PRG4: variants seen among roughly 807,000 people sequenced by gnomAD.
PRG4 encodes the protein articular superficial zone protein.
Under a neutral mutation model 91.2 loss-of-function variants are expected in PRG4, and 61 were observed. The ratio of observed to expected loss-of-function variants is 0.67; its 90% confidence interval spans 0.54 to 0.83. PRG4 has a LOEUF of 0.83. Among genes scored for constraint, PRG4 ranks in the 40% least tolerant of loss-of-function variants. The pLI is 0.00. For missense variants in PRG4, 1,564 were observed against 1,714.2 expected, an observed-to-expected ratio of 0.91 and a Z score of 1.55; for synonymous variants, 576 against 614.2, an observed-to-expected ratio of 0.94 and a Z score of 0.92.
At chr1:186,312,417 T>C (rs766571324) in intron 11 of PRG4, 45 bp downstream of exon 11, 12 of 1,514,238 alleles carry the variant, frequency 7.9e-6, no homozygotes, top group Non-Finnish European at 9.9e-6. Context: ...CATAAGTAGA[T>C]GTAATACAGT....
chr1:186,304,425 A>T (rs900613332), intron 5 of PRG4, among the ~76,000 whole-genome samples, 168 bp downstream of exon 5: 3 of 152,232 alleles, frequency 2.0e-5, no homozygotes, highest in African/African-American at 7.2e-5. Flanking sequence ...AAGACAAAGT[A>T]TAAACTCTCA....
rs777044871 is a variant in PRG4 at position 186,306,589 on chromosome 1, T to C, written c.870T>C (p.Thr290=). 1 of 1,613,358 alleles carries C rather than the reference T, an allele frequency of 6.2e-7. No individual in the cohort carries two copies. The highest frequency in any genetic ancestry group is 2.2e-5 in the East Asian group (1 of 44,874). The part of the protein sequence containing the change: ...KETTVETKET[T]TTNKQTSTDG... Reference sequence around the variant, plus strand: ...CAACAGTTGAAACTAAAGAAACTACTACAACAAATAAACAGACTTCAACTG... The same window carrying C: ...CAACAGTTGAAACTAAAGAAACTACCACAACAAATAAACAGACTTCAACTG... Residue 290 remains threonine (T), a synonymous_variant, in exon 7 of 13, where the codon ACT becomes ACC. Coordinates refer to ENST00000445192, the MANE Select transcript of PRG4 (RefSeq NM_005807.6).
intron 2 of PRG4, among the ~76,000 whole-genome samples, chr1:186,299,709 A>G (rs1418993392): frequency 6.6e-6 from 1 of 152,210 alleles, no homozygotes; most frequent in African/African-American, 2.4e-5. Context: ...CATTTTCATA[A>G]GCATTAGTGA....
In PRG4 at chr1:186,312,391, TA is replaced by T; in HGVS notation, c.3991+26del. 3 of 1,591,550 alleles carry T rather than the reference TA, an allele frequency of 1.9e-6. No individual in the cohort carries two copies. The highest frequency in any genetic ancestry group is 1.7e-6 in the Non-Finnish European group (2 of 1,168,384). ...GACAAAGGTAACATTTTTATTGTGT[TA>T]AAAAAATCCTTAAACATAAGTAGAT... On this transcript the variant is annotated intron_variant, in intron 11 of 12. Coordinates refer to ENST00000445192, the MANE Select transcript of PRG4 (RefSeq NM_005807.6).
chr1:186,300,254 T>C, intron 3 of PRG4, 41 bp downstream of exon 3: 6 of 1,612,622 alleles, frequency 3.7e-6, no homozygotes, highest in Non-Finnish European at 5.1e-6. Flanking sequence ...CAAGCAACAC[T>C]GCGAGTCTGT....
rs562266173 is a variant in PRG4, at chr1:186,310,509, A to C, written c.3500-525A>C. Reference sequence around the variant, plus strand: ...AGCCAAAAGGCTTTTTTGAGACCGGATCTCCCTCTGTCACCCAGGCTGGAG... The same window carrying C: ...AGCCAAAAGGCTTTTTTGAGACCGGCTCTCCCTCTGTCACCCAGGCTGGAG... On this transcript the variant is annotated intron_variant, in intron 8 of 12. Transcript: ENST00000445192. Among the ~76,000 whole-genome samples the C allele has an allele frequency of 2.0e-5, 3 of 152,114 alleles. No homozygotes were observed. The East Asian group carries it at 5.8e-4, about 29-fold the overall frequency.
chr1:186,296,907 T>C lies in PRG4; in HGVS notation c.32T>C (p.Leu11Ser), dbSNP rs1403287471. The change falls in exon 2 of 13, where the codon TTG (leucine) becomes TCG (serine). Residue 11 changes from leucine (L) to serine (S), a missense_variant. Around this residue, in one of 3 missense-constraint regions of PRG4, gnomAD observed 437 missense variants for 459.0 expected, o/e 0.95. Coordinates refer to ENST00000445192, the MANE Select transcript of PRG4 (RefSeq NM_005807.6). ...TGGAAAACACTTCCCATTTACCTGT[T>C]GTTGCTGCTGTCTGTTTTCGTGATT... is the stretch of plus-strand genomic sequence containing the variant. MAWKTLPIYL[L>S]LLLSVFVIQQ... 3.7e-6 allele frequency: 6 copies of C among 1,614,050 alleles called. No individual in the cohort carries two copies. In the South Asian group the frequency reaches 6.6e-5, roughly 18 times the overall value.
intron 7 of PRG4, 49 bp from the exon 8 acceptor site, chr1:186,309,744 C>A: frequency 1.5e-6 from 2 of 1,338,618 alleles, no homozygotes; most frequent in Non-Finnish European, 2.2e-6. Flanking sequence ...AACATACAGA[C>A]TTTTCTCATT....
In PRG4 at chr1:186,308,864, ACAC is replaced by A; in HGVS notation, c.3148_3150del (p.Pro1050del). On this transcript the variant is annotated inframe_deletion, in exon 7 of 13. Transcript: ENST00000445192. ...GCCTAGAGTGAGAAAACCAAAGACG[ACAC>A]CAACTCCCCGCAAGATGACATCAAC... is the stretch of plus-strand genomic sequence containing the variant. 1 of 1,613,916 alleles carries A rather than the reference ACAC, an allele frequency of 6.2e-7. No homozygotes were observed. Among genetic ancestry groups the A allele is most frequent in the Non-Finnish European group, 8.5e-7 (1 of 1,179,972 alleles).
intron 10 of PRG4, 83 bp downstream of exon 10, chr1:186,311,679 A>T (rs1253082068): frequency 7.2e-7 from 1 of 1,388,316 alleles, no homozygotes; most frequent in Non-Finnish European, 1.0e-6. Flanking sequence ...CTTTACTGTC[A>T]AAAGATATCT....
chr1:186,301,501 C>A, intron 3 of PRG4, 91 bp from the exon 4 acceptor site: 2 of 1,569,326 alleles, frequency 1.3e-6, no homozygotes, highest in Non-Finnish European at 1.7e-6. Flanking sequence ...TTTTGGAAAC[C>A]TAGTCAAGTC....
chr1:186,307,022 C>A lies in PRG4; in HGVS notation c.1303C>A (p.Pro435Thr). The A allele has an allele frequency of 6.4e-7, 1 of 1,552,892 alleles. No individual in the cohort carries two copies. Among genetic ancestry groups the A allele is most frequent in the Non-Finnish European group, 8.7e-7 (1 of 1,148,890 alleles). ...GTCTGCACCCACCACTCCCAAGGAGCCTGCACCCACCACCCCCAAGAAGCC... is the reference window on the plus strand; with the variant it reads ...GTCTGCACCCACCACTCCCAAGGAGACTGCACCCACCACCCCCAAGAAGCC... ...TKSAPTTPKEPAPTTPKKPAP... is the reference protein window; with the variant it reads ...TKSAPTTPKETAPTTPKKPAP... The change falls in exon 7 of 13, where the codon CCT becomes ACT. Residue 435 changes from proline (P) to threonine (T), a missense_variant. Around this residue, in one of 3 missense-constraint regions of PRG4, gnomAD observed 48 missense variants for 93.0 expected, o/e 0.52. Transcript: ENST00000445192.
intron 3 of PRG4, among the ~76,000 whole-genome samples, chr1:186,300,631 A>G (rs190468120): frequency 6.6e-6 from 1 of 152,358 alleles, no homozygotes; most frequent in East Asian, 1.9e-4. Context: ...AAAAGAATAC[A>G]TGAGCATGGA....
Position 186,301,586 on chromosome 1 carries a change from G to A in PRG4, c.200-6G>A. 6.2e-7 allele frequency: 1 copy of A among 1,613,888 alleles called. No individual in the cohort carries two copies. The highest frequency in any genetic ancestry group is 8.5e-7 in the Non-Finnish European group (1 of 1,179,888). On this transcript the variant is annotated splice_region_variant and splice_polypyrimidine_tract_variant and intron_variant, in intron 3 of 12. Coordinates refer to ENST00000445192, the MANE Select transcript of PRG4 (RefSeq NM_005807.6). ...AATCTGTAACTTCTTGTTTTGCTCT[G>A]GGTAGAGCTTTCCTGTAAAGGCCGC... is the stretch of plus-strand genomic sequence containing the variant.
At chr1:186,305,460 G>A (rs571488585) in intron 6 of PRG4, among the ~76,000 whole-genome samples, 1 of 152,214 alleles carries the variant, frequency 6.6e-6, no homozygotes, top group East Asian at 1.9e-4. Flanking sequence ...CTACAGAATA[G>A]GCTATTATTG....
chr1:186,304,604 G>A (rs917923323), intron 5 of PRG4, among the ~76,000 whole-genome samples, 190 bp from the exon 6 acceptor site: 2 of 152,178 alleles, frequency 1.3e-5, no homozygotes, highest in East Asian at 1.9e-4. Context: ...AATACTGCTA[G>A]TATCTGTGAT....
rs1342350163 is a variant in PRG4, at chr1:186,312,850, A to G, written c.4073A>G (p.Asn1358Ser). 3.1e-6 allele frequency: 5 copies of G among 1,612,458 alleles called. No homozygotes were observed. The South Asian group carries it at 3.3e-5, about 11-fold the overall frequency. ...NVVTSAISLP[N>S]IRKPDGYDYY... ...GTTACCTCAGCTATATCACTGCCCA[A>G]CATCAGAAAACCTGACGGCTATGAT... The change falls in exon 12 of 13, where the codon AAC becomes AGC. Residue 1358 changes from asparagine (N) to serine (S), a missense_variant. Transcript: ENST00000445192.
intron 4 of PRG4, 108 bp from the exon 5 acceptor site, chr1:186,303,999 GC>G: frequency 8.4e-7 from 1 of 1,196,344 alleles, no homozygotes; most frequent in Non-Finnish European, 1.2e-6. Context: ...GCCTGCACTG[GC>G]TGTCACCAGC....
At chr1:186,302,347 T>A (rs1384944801) in intron 4 of PRG4, among the ~76,000 whole-genome samples, 1 of 152,214 alleles carries the variant, frequency 6.6e-6, no homozygotes, top group Non-Finnish European at 1.5e-5. Context: ...TATTTATAGG[T>A]CTTGAAGGAC....
Sources: gnomAD v4.1 joint callset for allele counts (sites outside exome capture counted in the v4.1 genomes callset) on GRCh38, gnomAD v4.1.1 for gene constraint, gnomAD v4.1.1 regional missense constraint, MANE v1.5 for transcripts, NCBI Gene and HGNC (gene_info 2026-07-23, HGNC 2026-07-21) for gene names.